Variants in NEK11 observed in about 807,000 individuals in gnomAD.
NEK11 encodes the protein serine/threonine-protein kinase Nek11.
Under a neutral mutation model 80.7 loss-of-function variants are expected in NEK11, and 72 were observed. That is an observed-to-expected ratio of 0.89 (90% CI 0.74 to 1.08). NEK11 has a LOEUF of 1.08. Among genes scored for constraint, NEK11 ranks in the 50% least tolerant of loss-of-function variants. The pLI is 0.00. For synonymous variants in NEK11, 251 were observed against 260.7 expected (o/e 0.96, Z 0.36); for missense variants, 764 against 763.6 (o/e 1.00, Z -0.01).
At chr3:131,065,855 T>C (rs1002909057) in intron 3 of NEK11, among the ~76,000 whole-genome samples, 1 of 152,212 alleles carries the variant, frequency 6.6e-6, no homozygotes, top group African/African-American at 2.4e-5. Context: ...TCTACAAACT[T>C]GGTAAATGTG....
At chr3:131,306,919 G>A (rs916119723) in intron 17 of NEK11, among the ~76,000 whole-genome samples, 10 of 152,162 alleles carry the variant, frequency 6.6e-5, no homozygotes, top group South Asian at 2.1e-4. Flanking sequence ...ACTGGTCCCC[G>A]CAATGGTTTC....
chr3:131,102,000 G>A (rs527674200), intron 4 of NEK11, among the ~76,000 whole-genome samples: 1 of 152,170 alleles, frequency 6.6e-6, no homozygotes, highest in Non-Finnish European at 1.5e-5. Context: ...CTTAATTTTT[G>A]TTGGTTTAAA....
At chr3:131,328,291 A>G (rs2097009548) in intron 17 of NEK11, 1 of 149,664 alleles carries the variant, frequency 6.7e-6, no homozygotes, top group South Asian at 2.1e-4. Context: ...GTTTCTAAAA[A>G]TAATATAAAT....
chr3:131,169,319 A>C (rs570993334), intron 13 of NEK11, among the ~76,000 whole-genome samples: 110 of 152,328 alleles, frequency 7.2e-4, no homozygotes, highest in African/African-American at 2.4e-3. Flanking sequence ...ATATTTCAAA[A>C]GCACTTACAG....
intron 5 of NEK11, among the ~76,000 whole-genome samples, chr3:131,114,988 C>A (rs1445344985): frequency 6.6e-6 from 1 of 152,156 alleles, no homozygotes; most frequent in African/African-American, 2.4e-5. Context: ...TTTTATGTGT[C>A]AAGTTGACTG....
rs922885505 is a variant in NEK11, at chr3:131,107,680, G to C, written c.337-2123G>C. 5.8e-5 allele frequency among the ~76,000 whole-genome samples: 7 copies of C among 121,532 alleles called. 1 individual carries two copies. Among genetic ancestry groups the C allele is most frequent in the African/African-American group, 2.2e-4 (7 of 31,662 alleles). The allele number at this position is 121,532 out of a possible 152,430, so 79.7% of individuals were successfully genotyped here. A position where few individuals can be genotyped will look rare whatever the true frequency, so the allele number is the denominator to read the frequency against. ...GCAGATTTCCATTCCTGCAAATATT[G>C]TATTTCCAATATGTGTTTGGTTGAA... On this transcript the variant is annotated intron_variant, in intron 4 of 17. Coordinates refer to ENST00000383366, the MANE Select transcript of NEK11 (RefSeq NM_024800.5).
rs144016598 is a variant in NEK11, at chr3:131,099,703, C to G, written c.337-10100C>G. Among the ~76,000 whole-genome samples the G allele has an allele frequency of 1.9e-3, 287 of 152,046 alleles. 3 individuals carry two copies. Among genetic ancestry groups the G allele is most frequent in the Non-Finnish European group, 3.2e-3 (216 of 67,912 alleles). ...TTTCACCTCTATGGTTAGCTGTATT[C>G]CTGGGCATTTCATTTTCTTTGTGGC... On this transcript the variant is annotated intron_variant, in intron 4 of 17. Transcript: ENST00000383366.
chr3:131,240,665 T>A (rs767192643), intron 15 of NEK11, among the ~76,000 whole-genome samples: 3 of 152,172 alleles, frequency 2.0e-5, no homozygotes, highest in Admixed American at 6.5e-5. Flanking sequence ...GACTGAAATG[T>A]CTGTTCTAAA....
intron 4 of NEK11, among the ~76,000 whole-genome samples, chr3:131,096,177 C>T (rs2077400636): frequency 1.3e-5 from 2 of 151,724 alleles, no homozygotes; most frequent in South Asian, 4.2e-4. Flanking sequence ...ACTCACATCC[C>T]CCTTCCTCCC....
chr3:131,036,897 A>G (rs1400569797), intron 3 of NEK11, among the ~76,000 whole-genome samples: 2 of 152,240 alleles, frequency 1.3e-5, no homozygotes, highest in African/African-American at 4.8e-5. Flanking sequence ...AAAATGGAAT[A>G]GAGTTCAGTG....
chr3:131,138,658 A>C (rs1442709275), intron 7 of NEK11, among the ~76,000 whole-genome samples: 1 of 151,968 alleles, frequency 6.6e-6, no homozygotes, highest in Non-Finnish European at 1.5e-5. Context: ...GTGTCACCCC[A>C]CCCCCAGTTC....
intron 13 of NEK11, among the ~76,000 whole-genome samples, chr3:131,170,178 T>TAC (rs751325198): frequency 1.4e-4 from 21 of 151,960 alleles, no homozygotes; most frequent in East Asian, 7.7e-4. Context: ...CAAACACAAA[T>TAC]ACACACACAC....
At chr3:131,215,834 C>G (rs2094817227) in intron 14 of NEK11, among the ~76,000 whole-genome samples, 1 of 152,258 alleles carries the variant, frequency 6.6e-6, no homozygotes, top group Middle Eastern at 3.4e-3. Flanking sequence ...TAAAGTGACT[C>G]ACATCCCAGA....
intron 4 of NEK11, among the ~76,000 whole-genome samples, chr3:131,086,099 C>G (rs988678602): frequency 6.6e-6 from 1 of 152,092 alleles, no homozygotes; most frequent in Non-Finnish European, 1.5e-5. Context: ...TAAGGGGTAC[C>G]AGCTGTATCT....
chr3:131,271,148 T>A (rs1224972754), intron 16 of NEK11, among the ~76,000 whole-genome samples: 1 of 152,094 alleles, frequency 6.6e-6, no homozygotes, highest in Non-Finnish European at 1.5e-5. Flanking sequence ...AGGCAAATTT[T>A]CTCTCCAGGT....
At chr3:131,246,659 T>C (rs1027361457) in intron 16 of NEK11, among the ~76,000 whole-genome samples, 4 of 152,190 alleles carry the variant, frequency 2.6e-5, no homozygotes, top group African/African-American at 7.2e-5. Flanking sequence ...AAATGGAAGA[T>C]CTACTTTTAG....
In NEK11 at chr3:131,168,852, T is replaced by C; in HGVS notation, c.1199T>C (p.Met400Thr). The C allele has an allele frequency of 6.2e-7, 1 of 1,613,600 alleles. No homozygotes were observed. Among genetic ancestry groups the C allele is most frequent in the Non-Finnish European group, 8.5e-7 (1 of 1,179,714 alleles). ...VLHEKTHLKG[M>T]EEKEEQPEGR... ...TAGGAAAAAACACATTTAAAAGGAA[T>C]GGAAGAAAAGGAGGAGCAACCTGAG... Residue 400 changes from methionine to threonine, a missense_variant, in exon 13 of 18, where the codon ATG becomes ACG. Physicochemically the swap from Met to Thr is moderately conservative, Grantham distance 81. Transcript: ENST00000383366.
chr3:131,171,072 C>T, intron 14 of NEK11, 185 bp downstream of exon 14: 1 of 612,886 alleles, frequency 1.6e-6, no homozygotes, highest in Non-Finnish European at 2.9e-6. Context: ...TTTCTGTCCT[C>T]TCTATCTTCT....
intron 3 of NEK11, among the ~76,000 whole-genome samples, chr3:131,067,607 C>A (rs2072278900): frequency 6.6e-6 from 1 of 152,122 alleles, no homozygotes; most frequent in South Asian, 2.1e-4. Flanking sequence ...ATTTGAAGCT[C>A]AATCATAGCA....
Sources: allele counts gnomAD v4.1 joint callset (sites outside exome capture counted in the v4.1 genomes callset), GRCh38; gene constraint gnomAD v4.1.1; transcripts MANE v1.5; gene names NCBI Gene and HGNC (gene_info 2026-07-23, HGNC 2026-07-21).